Variants in NAV3 observed in about 807,000 individuals in gnomAD.
NAV3 encodes neuron navigator 3.
In NAV3, 87 loss-of-function variants were observed where a neutral mutation model predicts 244.7. That is an observed-to-expected ratio of 0.36 (90% CI 0.30 to 0.42). NAV3 has a LOEUF of 0.42. NAV3 is among the 20% of genes least tolerant of loss of function. The probability of loss-of-function intolerance (pLI) is 1.00; values close to 1 mark genes in which losing one functional copy is unlikely to be tolerated. For missense variants in NAV3, 2,663 were observed against 2,893.3 expected, an observed-to-expected ratio of 0.92 and a Z score of 1.83; for synonymous variants, 1,126 against 1,042.2, an observed-to-expected ratio of 1.08 and a Z score of -1.55.
At position 78,189,856 on chromosome 12, in the gene NAV3, A is replaced by G. The variant is rs575141820; in HGVS notation, c.6056-128A>G. On this transcript the variant is annotated intron_variant, in intron 33 of 39. Coordinates refer to ENST00000397909, the MANE Select transcript of NAV3 (RefSeq NM_001024383.2). Reference sequence around the variant, plus strand: ...CAACGCATATTTGTGGGATAGAAATATCTAGGAAATTATTTTTCAAGGACT... The same window carrying G: ...CAACGCATATTTGTGGGATAGAAATGTCTAGGAAATTATTTTTCAAGGACT... 2.2e-5 allele frequency: 15 copies of G among 671,606 alleles called. No homozygotes were observed. The African/African-American group carries it at 2.5e-4, about 11-fold the overall frequency. The allele number at this position is 671,606 out of a possible 1,614,324, so 41.6% of individuals were successfully genotyped here. A position where few individuals can be genotyped will look rare whatever the true frequency, so the allele number is the denominator to read the frequency against.
chr12:77,987,334 A>G (rs1173875065), intron 5 of NAV3, among the ~76,000 whole-genome samples: 1 of 152,200 alleles, frequency 6.6e-6, no homozygotes, highest in African/African-American at 2.4e-5. Flanking sequence ...TAATTTACAA[A>G]ATGTATAAAA....
At chr12:77,762,597 G>T (rs561767693) in intron 2 of NAV3, among the ~76,000 whole-genome samples, 1 of 150,960 alleles carries the variant, frequency 6.6e-6, no homozygotes, top group Non-Finnish European at 1.5e-5. Context: ...GTGAGACTCC[G>T]CCTCAAAAAA....
At chr12:77,987,402 T>C (rs149704416) in intron 5 of NAV3, among the ~76,000 whole-genome samples, 1 of 152,358 alleles carries the variant, frequency 6.6e-6, no homozygotes, top group African/African-American at 2.4e-5. Flanking sequence ...GGTTGTATAG[T>C]ATAACCTTTG....
chr12:78,161,755 A>G (rs1957554391), intron 23 of NAV3, among the ~76,000 whole-genome samples: 4 of 152,122 alleles, frequency 2.6e-5, no homozygotes, highest in Admixed American at 6.6e-5. Context: ...ACACACAACA[A>G]TCATGGTTAA....
At chr12:77,803,636 T>C (rs1212445327) in intron 2 of NAV3, among the ~76,000 whole-genome samples, 1 of 152,202 alleles carries the variant, frequency 6.6e-6, no homozygotes, top group Non-Finnish European at 1.5e-5. Flanking sequence ...CCTTTGGGTA[T>C]ATGCCCAGTA....
chr12:77,799,961 G>C (rs913453961), intron 2 of NAV3, among the ~76,000 whole-genome samples: 2 of 152,080 alleles, frequency 1.3e-5, no homozygotes, highest in African/African-American at 4.8e-5. Context: ...TGAATACTGG[G>C]AGTTGATGTC....
chr12:77,621,068 A>C (rs1414825307), intron 2 of NAV3, among the ~76,000 whole-genome samples: 1 of 151,954 alleles, frequency 6.6e-6, no homozygotes, highest in African/African-American at 2.4e-5. Context: ...TTCTTGAAGA[A>C]GGTTTGAGTT....
intron 37 of NAV3, among the ~76,000 whole-genome samples, chr12:78,199,899 ATAACT>A (rs1329551598): frequency 1.3e-5 from 2 of 152,176 alleles, no homozygotes; most frequent in African/African-American, 2.4e-5. Flanking sequence ...TTAGTTACAG[ATAACT>A]TAAACGCTTT....
chr12:77,940,218 TC>T, intron 1 of NAV3, 100 bp from the exon 2 acceptor site: 1 of 826,356 alleles, frequency 1.2e-6, no homozygotes. Context: ...TGGAATGTGA[TC>T]CAGAATAGCT....
chr12:77,961,027 T>C (rs1477939950), intron 3 of NAV3, among the ~76,000 whole-genome samples: 1 of 132,554 alleles, frequency 7.5e-6, no homozygotes, highest in South Asian at 2.4e-4. Context: ...ATGTTACATG[T>C]ATACGCATAT....
intron 2 of NAV3, among the ~76,000 whole-genome samples, chr12:77,758,575 C>T (rs1322546925): frequency 6.6e-6 from 1 of 152,132 alleles, no homozygotes; most frequent in Non-Finnish European, 1.5e-5. Flanking sequence ...ACTTTTATTA[C>T]CCAAGTAACC....
intron 1 of NAV3, among the ~76,000 whole-genome samples, chr12:77,873,737 T>G (rs1881381746): frequency 1.2e-5 from 1 of 81,024 alleles, no homozygotes; most frequent in African/African-American, 3.4e-5. Flanking sequence ...AATACATATG[T>G]GTGTGTGTAT....
At chr12:77,700,121 A>T (rs1399103962) in intron 2 of NAV3, among the ~76,000 whole-genome samples, 1 of 152,148 alleles carries the variant, frequency 6.6e-6, no homozygotes, top group Non-Finnish European at 1.5e-5. Context: ...TCAAGACCTT[A>T]ACTCCTATGT....
intron 5 of NAV3, among the ~76,000 whole-genome samples, chr12:77,984,119 T>C (rs1870049111): frequency 6.6e-6 from 1 of 152,188 alleles, no homozygotes; most frequent in African/African-American, 2.4e-5. Flanking sequence ...GATTTCTTAC[T>C]GGGCTAAGTC....
intron 33 of NAV3, 127 bp from the exon 34 acceptor site, chr12:78,189,857 T>C (rs781030214): frequency 1.0e-4 from 67 of 672,374 alleles, no homozygotes; most frequent in Non-Finnish European, 1.7e-4. Flanking sequence ...GATAGAAATA[T>C]CTAGGAAATT....
chr12:78,047,138 G>A (rs1172718740), intron 9 of NAV3, among the ~76,000 whole-genome samples: 1 of 151,864 alleles, frequency 6.6e-6, no homozygotes, highest in African/African-American at 2.4e-5. Context: ...TGCACGTGAA[G>A]CTTATGAAGC....
chr12:77,575,758 C>G (rs1032075717), intron 2 of NAV3, among the ~76,000 whole-genome samples: 1 of 152,118 alleles, frequency 6.6e-6, no homozygotes, highest in South Asian at 2.1e-4. Flanking sequence ...CCCTGGAACA[C>G]TGTTTTATTG....
rs776225440 is a variant in NAV3 at position 77,873,744 on chromosome 12, G to GTGTATATATATATA, written c.243+42041_243+42042insGTATATATATATAT. Among the ~76,000 whole-genome samples, 53 of 73,172 alleles carry GTGTATATATATATA rather than the reference G, an allele frequency of 7.2e-4. 1 individual carries two copies. The highest frequency in any genetic ancestry group is 2.0e-3 in the South Asian group (3 of 1,524). 48.0% of individuals were successfully genotyped at this position (73,172 alleles called of 152,430 possible). A position where few individuals can be genotyped will look rare whatever the true frequency, so the allele number is the denominator to read the frequency against. ...CTTATCTAAATACATATGTGTGTGTGTATATATATATATATATATATATGT... is the reference window on the plus strand; with the variant it reads ...CTTATCTAAATACATATGTGTGTGTGTGTATATATATATATATATATATATATATATATATATGT... On this transcript the variant is annotated intron_variant, in intron 1 of 39. Coordinates refer to ENST00000397909, the MANE Select transcript of NAV3 (RefSeq NM_001024383.2).
Position 78,194,830 on chromosome 12 carries a change from TG to T in NAV3, c.6292-2416del, listed in dbSNP as rs1178400037. ...TTCTCTATTTGGAAAGCTCTTCTGT[TG>T]TGTTTAAGCATCAAGGTATTACCCA... On this transcript the variant is annotated intron_variant, in intron 34 of 39. Coordinates refer to ENST00000397909, the MANE Select transcript of NAV3 (RefSeq NM_001024383.2). Among the ~76,000 whole-genome samples, 7 of 152,204 alleles carry T rather than the reference TG, an allele frequency of 4.6e-5. No homozygotes were observed. In the East Asian group the frequency reaches 1.4e-3, roughly 29 times the overall value.
Sources: gnomAD v4.1 joint callset for allele counts (sites outside exome capture counted in the v4.1 genomes callset) on GRCh38, gnomAD v4.1.1 for gene constraint, MANE v1.5 for transcripts, NCBI Gene and HGNC (gene_info 2026-07-23, HGNC 2026-07-21) for gene names.